The following PRKCA variants were observed in gnomAD, a reference collection of about 807,000 sequenced individuals.
The protein encoded by PRKCA is protein kinase C alpha, also known as protein kinase C alpha type.
Under a neutral mutation model 87.0 loss-of-function variants are expected in PRKCA, and 27 were observed. That is an observed-to-expected ratio of 0.31 (90% CI 0.23 to 0.43). PRKCA has a LOEUF of 0.43. Among genes scored for constraint, PRKCA ranks in the 20% least tolerant of loss-of-function variants. The pLI is 1.00. For missense variants in PRKCA, 518 were observed against 852.3 expected, an observed-to-expected ratio of 0.61 and a Z score of 4.88; for synonymous variants, 329 against 311.1, an observed-to-expected ratio of 1.06 and a Z score of -0.61.
At chr17:66,708,519 ATAAC>A (rs1973243493) in intron 8 of PRKCA, among the ~76,000 whole-genome samples, 1 of 152,230 alleles carries the variant, frequency 6.6e-6, no homozygotes. Flanking sequence ...GAGTCTAAGA[ATAAC>A]TACCCAGTGG....
At chr17:66,460,860 T>C (rs1014318843) in intron 2 of PRKCA, among the ~76,000 whole-genome samples, 1 of 152,182 alleles carries the variant, frequency 6.6e-6, no homozygotes, top group African/African-American at 2.4e-5. Context: ...AACATCAGTA[T>C]GTGGAGCCAC....
At chr17:66,319,760 G>A (rs759870777) in intron 2 of PRKCA, among the ~76,000 whole-genome samples, 2 of 149,398 alleles carry the variant, frequency 1.3e-5, no homozygotes, top group Non-Finnish European at 3.0e-5. Context: ...TTTTTTATTT[G>A]AGACAGAGTC....
chr17:66,680,458 G>C (rs1972458291), intron 5 of PRKCA, among the ~76,000 whole-genome samples: 1 of 152,158 alleles, frequency 6.6e-6, no homozygotes, highest in African/African-American at 2.4e-5. Flanking sequence ...GGTGCTCTTA[G>C]AGGGGGGGAG....
intron 3 of PRKCA, among the ~76,000 whole-genome samples, chr17:66,621,752 G>T (rs1231364452): frequency 2.0e-5 from 3 of 152,066 alleles, no homozygotes; most frequent in Non-Finnish European, 2.9e-5. Flanking sequence ...CCTCCTCTAG[G>T]TGCATACGTC....
At chr17:66,656,610 A>G (rs112209832) in intron 5 of PRKCA, among the ~76,000 whole-genome samples, 54 of 152,322 alleles carry the variant, frequency 3.5e-4, no homozygotes, top group Non-Finnish European at 7.4e-4. Context: ...ATCACTTTCC[A>G]TTGAAACTTT....
At chr17:66,720,441 C>T (rs1973586986) in intron 8 of PRKCA, among the ~76,000 whole-genome samples, 1 of 152,204 alleles carries the variant, frequency 6.6e-6, no homozygotes, top group South Asian at 2.1e-4. Context: ...GATATCATGA[C>T]TTGGAGCTTA....
chr17:66,693,225 T>A (rs1054982320), intron 8 of PRKCA, among the ~76,000 whole-genome samples: 1 of 152,214 alleles, frequency 6.6e-6, no homozygotes, highest in East Asian at 1.9e-4. Context: ...CTGGTAGAGA[T>A]CCTGCTAGAG....
At chr17:66,437,954 A>G (rs992549550) in intron 2 of PRKCA, among the ~76,000 whole-genome samples, 1 of 151,634 alleles carries the variant, frequency 6.6e-6, no homozygotes, top group African/African-American at 2.4e-5. Context: ...GTGATTTTGC[A>G]AGTATACTCA....
At chr17:66,486,332 G>A (rs1324042281) in intron 2 of PRKCA, among the ~76,000 whole-genome samples, 2 of 152,142 alleles carry the variant, frequency 1.3e-5, no homozygotes, top group Non-Finnish European at 2.9e-5. Context: ...ATGGGAATAA[G>A]TTGAAATAAT....
chr17:66,637,424 G>T (rs1453867318), intron 3 of PRKCA, among the ~76,000 whole-genome samples: 1 of 152,110 alleles, frequency 6.6e-6, no homozygotes, highest in African/African-American at 2.4e-5. Flanking sequence ...ATTGGTGCTG[G>T]CACCAACCTA....
intron 8 of PRKCA, among the ~76,000 whole-genome samples, chr17:66,699,356 A>G (rs1973007970): frequency 6.6e-6 from 1 of 152,210 alleles, no homozygotes; most frequent in Admixed American, 6.5e-5. Flanking sequence ...ATTGCAACTG[A>G]TACTACAGAA....
chr17:66,720,589 T>A (rs1973590130), intron 8 of PRKCA, among the ~76,000 whole-genome samples: 1 of 152,240 alleles, frequency 6.6e-6, no homozygotes, highest in South Asian at 2.1e-4. Context: ...CTTAGAGGTA[T>A]GATGCTGTGC....
At chr17:66,797,905 A>G (rs891776688) in intron 16 of PRKCA, among the ~76,000 whole-genome samples, 1 of 152,232 alleles carries the variant, frequency 6.6e-6, no homozygotes, top group African/African-American at 2.4e-5. Flanking sequence ...AGGTGGAGAC[A>G]GTGCGCACCC....
chr17:66,496,867 T>C (rs2144113808), intron 3 of PRKCA, among the ~76,000 whole-genome samples: 1 of 152,248 alleles, frequency 6.6e-6, no homozygotes, highest in Admixed American at 6.5e-5. Flanking sequence ...GTTCTTGAAC[T>C]CCTGACCTCA....
chr17:66,780,933 C>T (rs1257551195), intron 14 of PRKCA, among the ~76,000 whole-genome samples: 1 of 151,426 alleles, frequency 6.6e-6, no homozygotes, highest in Non-Finnish European at 1.5e-5. Context: ...CATGGTGAAA[C>T]TCCATCTCTA....
intron 13 of PRKCA, among the ~76,000 whole-genome samples, chr17:66,754,258 G>A (rs555746791): frequency 2.0e-5 from 3 of 151,704 alleles, no homozygotes; most frequent in East Asian, 1.9e-4. Context: ...AATCAACATC[G>A]TTGTCACTCT....
chr17:66,793,343 AC>A (rs559884945), intron 16 of PRKCA, among the ~76,000 whole-genome samples: 276 of 152,178 alleles, frequency 1.8e-3, no homozygotes, highest in African/African-American at 6.4e-3. Flanking sequence ...TAATCCCAGC[AC>A]TTTGGGAGGT....
chr17:66,343,349 C>T (rs1222812223), intron 2 of PRKCA, among the ~76,000 whole-genome samples: 1 of 152,184 alleles, frequency 6.6e-6, no homozygotes, highest in Admixed American at 6.5e-5. Context: ...TTTCTTCCCC[C>T]CTTGTCTATT....
intron 2 of PRKCA, among the ~76,000 whole-genome samples, chr17:66,367,702 G>C (rs1186802597): frequency 6.6e-6 from 1 of 152,118 alleles, no homozygotes; most frequent in East Asian, 1.9e-4. Flanking sequence ...ATTAGTTCCT[G>C]GCCTCATAAG....
Sources: gnomAD v4.1 joint callset for allele counts (sites outside exome capture counted in the v4.1 genomes callset) on GRCh38, gnomAD v4.1.1 for gene constraint, MANE v1.5 for transcripts, NCBI Gene and HGNC (gene_info 2026-07-23, HGNC 2026-07-21) for gene names.